Variants in KHDRBS2 observed in about 807,000 individuals in gnomAD.
KHDRBS2 encodes KH RNA binding domain containing, signal transduction associated 2.
A neutral mutation model predicts 44.3 loss-of-function variants in KHDRBS2; 26 were observed. The ratio of observed to expected loss-of-function variants is 0.59; its 90% CI spans 0.43 to 0.81. The LOEUF (loss-of-function observed/expected upper bound fraction) is 0.81, where lower values mean the gene tolerates loss of function less well. Ranked by LOEUF, KHDRBS2 falls within the 40% of genes least tolerant of loss-of-function variation. The pLI is 0.00. For synonymous variants in KHDRBS2, 194 were observed against 151.1 expected (o/e 1.28, Z -2.08); for missense variants, 476 against 433.1 (o/e 1.10, Z -0.88).
intron 4 of KHDRBS2, among the ~76,000 whole-genome samples, chr6:61,934,290 A>T (rs186261159): frequency 2.3e-3 from 348 of 152,088 alleles, no homozygotes; most frequent in Admixed American, 3.5e-3. Flanking sequence ...TTGTGCAGAA[A>T]CTTTTTGGTT....
At chr6:62,168,747 T>C (rs1167675765) in intron 2 of KHDRBS2, among the ~76,000 whole-genome samples, 1 of 152,078 alleles carries the variant, frequency 6.6e-6, no homozygotes, top group Non-Finnish European at 1.5e-5. Context: ...TAACTCATGA[T>C]GTAATTGTAT....
At chr6:61,876,201 T>C (rs1180529723) in intron 6 of KHDRBS2, among the ~76,000 whole-genome samples, 1 of 152,036 alleles carries the variant, frequency 6.6e-6, no homozygotes, top group Non-Finnish European at 1.5e-5. Context: ...CTAAGTGGCC[T>C]TAATGTCAAA....
the KHDRBS2 span, among the ~76,000 whole-genome samples, chr6:61,634,310 C>G: frequency 1.4e-4 from 21 of 150,608 alleles, no homozygotes; most frequent in African/African-American, 4.1e-4. Context: ...CCCTTGGAAA[C>G]CACTTCCAGT....
intron 1 of KHDRBS2, among the ~76,000 whole-genome samples, chr6:62,187,399 C>T (rs1432595012): frequency 6.6e-6 from 1 of 151,978 alleles, no homozygotes; most frequent in Non-Finnish European, 1.5e-5. Context: ...AGGCACCATC[C>T]CAGAAACTGA....
At chr6:62,083,870 A>T (rs1562818106) in intron 2 of KHDRBS2, among the ~76,000 whole-genome samples, 1 of 152,178 alleles carries the variant, frequency 6.6e-6, no homozygotes, top group Non-Finnish European at 1.5e-5. Context: ...GCTTCATTAC[A>T]CTAGTTGTTT....
At chr6:61,804,438 T>C (rs987194520) in intron 6 of KHDRBS2, among the ~76,000 whole-genome samples, 1 of 152,082 alleles carries the variant, frequency 6.6e-6, no homozygotes, top group Admixed American at 6.6e-5. Flanking sequence ...AAGCTATTGG[T>C]GGATCTACCA....
intron 1 of KHDRBS2, among the ~76,000 whole-genome samples, chr6:62,235,197 A>G (rs930032060): frequency 6.6e-6 from 1 of 151,632 alleles, no homozygotes; most frequent in African/African-American, 2.4e-5. Context: ...GGGATGGTAA[A>G]TTGTTCAAGA....
At chr6:61,563,181 G>T in the KHDRBS2 span, among the ~76,000 whole-genome samples, 1 of 152,030 alleles carries the variant, frequency 6.6e-6, no homozygotes, top group African/African-American at 2.4e-5. Flanking sequence ...AGTATTTAGT[G>T]TTTTCAGGTT....
intron 2 of KHDRBS2, among the ~76,000 whole-genome samples, chr6:62,050,453 A>C (rs1382287138): frequency 6.6e-6 from 1 of 151,932 alleles, no homozygotes; most frequent in Non-Finnish European, 1.5e-5. Context: ...GGGGTGAGAA[A>C]AAAAAGCCCT....
intron 1 of KHDRBS2, among the ~76,000 whole-genome samples, chr6:62,236,083 A>T (rs566095152): frequency 2.9e-4 from 44 of 152,256 alleles, no homozygotes; most frequent in African/African-American, 9.9e-4. Flanking sequence ...ATTCATTTTC[A>T]AAATAATTTT....
chr6:61,626,552 T>C, the KHDRBS2 span, among the ~76,000 whole-genome samples: 19 of 152,250 alleles, frequency 1.2e-4, no homozygotes, highest in Admixed American at 1.0e-3. Flanking sequence ...TTTGGACTTA[T>C]GTATTTTTTG....
At chr6:61,579,429 C>A in the KHDRBS2 span, among the ~76,000 whole-genome samples, 2 of 152,150 alleles carry the variant, frequency 1.3e-5, no homozygotes, top group Non-Finnish European at 2.9e-5. Context: ...GAAAGACTGA[C>A]CTCACACTTC....
intron 3 of KHDRBS2, among the ~76,000 whole-genome samples, chr6:62,016,022 T>G (rs1163033195): frequency 6.6e-6 from 1 of 152,166 alleles, no homozygotes; most frequent in Admixed American, 6.6e-5. Context: ...GACTTTCAAG[T>G]ATGTTTCTAA....
intron 3 of KHDRBS2, among the ~76,000 whole-genome samples, chr6:62,039,821 G>A (rs1346977016): frequency 2.0e-5 from 3 of 151,994 alleles, no homozygotes; most frequent in Admixed American, 6.6e-5. Context: ...ATTTACTTTC[G>A]CTTTTGGGAT....
At chr6:61,589,315 A>G in the KHDRBS2 span, among the ~76,000 whole-genome samples, 1 of 152,204 alleles carries the variant, frequency 6.6e-6, no homozygotes, top group Non-Finnish European at 1.5e-5. Flanking sequence ...GATGGTTCAG[A>G]TAATTCTAGC....
chr6:61,547,751 G>A, the KHDRBS2 span, among the ~76,000 whole-genome samples: 10 of 152,136 alleles, frequency 6.6e-5, no homozygotes, highest in Non-Finnish European at 1.3e-4. Context: ...TAATTCTGAA[G>A]TGCAGTCAGG....
At chr6:61,658,516 C>T in the KHDRBS2 span, among the ~76,000 whole-genome samples, 2 of 151,926 alleles carry the variant, frequency 1.3e-5, no homozygotes, top group Non-Finnish European at 2.9e-5. Context: ...ATTAACTTAT[C>T]AATATGTTAC....
In KHDRBS2 at chr6:61,981,919, C is replaced by T. The variant is rs191455603; in HGVS notation, c.337-3707G>A. Among the ~76,000 whole-genome samples, 570 of 152,184 alleles carry T rather than the reference C, an allele frequency of 3.7e-3. 5 individuals carry two copies. Among genetic ancestry groups the T allele is most frequent in the African/African-American group, 0.013 (537 of 41,524 alleles). ...GGAATTGGTCAATAACCTTGATCTCCCTGATACGTCCTGGTATAATGTAGT... is the reference window on the plus strand; with the variant it reads ...GGAATTGGTCAATAACCTTGATCTCTCTGATACGTCCTGGTATAATGTAGT... On this transcript the variant is annotated intron_variant, in intron 3 of 8. Transcript: ENST00000281156.
chr6:62,264,485 A>G (rs1159949578), intron 1 of KHDRBS2, among the ~76,000 whole-genome samples: 1 of 151,834 alleles, frequency 6.6e-6, no homozygotes, highest in Non-Finnish European at 1.5e-5. Flanking sequence ...TTTCAAATTC[A>G]ACTTGGTGAC....
Sources: allele counts gnomAD v4.1 joint callset (sites outside exome capture counted in the v4.1 genomes callset), GRCh38; gene constraint gnomAD v4.1.1; transcripts MANE v1.5; gene names NCBI Gene and HGNC (gene_info 2026-07-23, HGNC 2026-07-21).